SLC44A5: variants seen among roughly 807,000 people sequenced by gnomAD.
SLC44A5 encodes the protein solute carrier family 44 member 5, also known as choline transporter-like protein 5.
A neutral mutation model predicts 101.8 loss-of-function variants in SLC44A5; 57 were observed. The observed-to-expected ratio is 0.56, with a 90% CI of 0.45 to 0.70. The LOEUF is 0.70. Ranked by LOEUF, SLC44A5 falls within the 30% of genes least tolerant of loss-of-function variation. The pLI is 0.00. For synonymous variants in SLC44A5, 281 were observed against 290.9 expected, an observed-to-expected ratio of 0.97 and a Z score of 0.35; for missense variants, 737 against 853.1, an observed-to-expected ratio of 0.86 and a Z score of 1.70.
intron 4 of SLC44A5, among the ~76,000 whole-genome samples, chr1:75,331,348 C>G (rs1474401446): frequency 6.6e-6 from 1 of 152,144 alleles, no homozygotes; most frequent in Non-Finnish European, 1.5e-5. Context: ...CATCATCCTC[C>G]TGGTAGTTCA....
At chr1:75,713,896 G>A in the SLC44A5 span, among the ~76,000 whole-genome samples, 9 of 152,064 alleles carry the variant, frequency 5.9e-5, no homozygotes, top group African/African-American at 1.9e-4. Context: ...TTAACCTCCC[G>A]GGCTCGAGCA....
intron 5 of SLC44A5, among the ~76,000 whole-genome samples, chr1:75,280,768 A>T (rs1256565468): frequency 6.6e-6 from 1 of 151,526 alleles, no homozygotes; most frequent in Non-Finnish European, 1.5e-5. Context: ...TTCACCATGC[A>T]TTTCTCCTTC....
At chr1:75,606,592 G>T (rs778078073) in intron 1 of SLC44A5, among the ~76,000 whole-genome samples, 1 of 151,896 alleles carries the variant, frequency 6.6e-6, no homozygotes, top group Non-Finnish European at 1.5e-5. Flanking sequence ...CTTCAAAACA[G>T]TTAACTGTGC....
chr1:75,288,070 T>C (rs1234090614), intron 5 of SLC44A5, among the ~76,000 whole-genome samples: 1 of 152,158 alleles, frequency 6.6e-6, no homozygotes, highest in Non-Finnish European at 1.5e-5. Context: ...TCTTCAAAGG[T>C]TTTCGGCTGT....
chr1:75,516,341 T>C lies in SLC44A5; in HGVS notation c.13+25094A>G, dbSNP rs889601165. ...CATCCTGGCTAACAAGGTGAAACCC[T>C]GTCTCTACTAAAAATACAAAAAATT... On this transcript the variant is annotated intron_variant, in intron 2 of 23. Transcript: ENST00000370859. Among the ~76,000 whole-genome samples the C allele has an allele frequency of 3.3e-5, 5 of 151,982 alleles. No homozygotes were observed. In the East Asian group the frequency reaches 5.8e-4, roughly 18 times the overall value.
At chr1:75,515,565 G>A (rs754399216) in intron 2 of SLC44A5, among the ~76,000 whole-genome samples, 5 of 152,166 alleles carry the variant, frequency 3.3e-5, no homozygotes, top group Admixed American at 1.3e-4. Flanking sequence ...CACTCAGCAC[G>A]ATGTTCTCCA....
At chr1:75,620,777 G>C in the SLC44A5 span, among the ~76,000 whole-genome samples, 1 of 152,100 alleles carries the variant, frequency 6.6e-6, no homozygotes, top group Non-Finnish European at 1.5e-5. Context: ...CCATTCTGCA[G>C]GTTGCCTTTG....
At position 75,203,727 on chromosome 1, in the gene SLC44A5, C is replaced by A. The variant is rs879545183; in HGVS notation, c.2154G>T (p.Ter718TyrextTer82). The A allele has an allele frequency of 1.2e-5, 18 of 1,547,998 alleles. No homozygotes were observed. In the African/African-American group the frequency reaches 1.4e-4, roughly 12 times the overall value. ...QEENPQTRKQ[*>Y] ...GCTGTAGGACGACCAGTTTGCTCTT[C>A]TACTGCTTCCTAGTTTGTGGATTTT... is the stretch of plus-strand genomic sequence containing the variant. Residue 718 changes from the stop codon to tyrosine, a stop_lost, in exon 24 of 24, where the codon TAG becomes TAT. Transcript: ENST00000370859.
At chr1:75,615,848 C>T (rs1365079926), upstream of SLC44A5, 2 of 987,804 alleles carry the variant, frequency 2.0e-6, no homozygotes, top group East Asian at 1.1e-4. Context: ...GGGAGCGGGA[C>T]TCACCCTTGA....
chr1:75,601,476 C>T lies in SLC44A5; in HGVS notation c.-70+9564G>A, dbSNP rs182001546. ...GCAGTAAACCACTATGGCATGTGTA[C>T]ACCTATGCAACAAACCTGCACATTC... On this transcript the variant is annotated intron_variant, in intron 1 of 23. Transcript: ENST00000370859. Among the ~76,000 whole-genome samples the T allele has an allele frequency of 3.3e-4, 50 of 152,050 alleles. 1 individual carries two copies. The East Asian group carries it at 8.5e-3, about 26-fold the overall frequency.
chr1:75,719,469 GAAA>G, the SLC44A5 span, among the ~76,000 whole-genome samples: 1 of 151,134 alleles, frequency 6.6e-6, no homozygotes, highest in East Asian at 1.9e-4. Flanking sequence ...GAAAACTGGA[GAAA>G]AAAAAATCTT....
intron 2 of SLC44A5, among the ~76,000 whole-genome samples, chr1:75,480,780 C>T (rs1425019834): frequency 2.0e-5 from 3 of 152,168 alleles, no homozygotes; most frequent in African/African-American, 2.4e-5. Context: ...AAGAACATTC[C>T]ATGCTCATTG....
At chr1:75,628,943 T>C in the SLC44A5 span, among the ~76,000 whole-genome samples, 1 of 152,244 alleles carries the variant, frequency 6.6e-6, no homozygotes, top group East Asian at 1.9e-4. Flanking sequence ...CCATCTCAAC[T>C]AGTTGCATGT....
At chr1:75,425,681 T>G (rs1329527017) in intron 2 of SLC44A5, among the ~76,000 whole-genome samples, 1 of 152,228 alleles carries the variant, frequency 6.6e-6, no homozygotes, top group East Asian at 1.9e-4. Flanking sequence ...ATTCCTCCAG[T>G]AATAACAATG....
intron 9 of SLC44A5, among the ~76,000 whole-genome samples, chr1:75,241,707 T>C (rs1269094908): frequency 1.3e-5 from 2 of 152,156 alleles, no homozygotes; most frequent in East Asian, 3.9e-4. Flanking sequence ...GTGTGTGTGT[T>C]TATGCGTGCT....
chr1:75,712,154 G>A, the SLC44A5 span, among the ~76,000 whole-genome samples: 1 of 152,312 alleles, frequency 6.6e-6, no homozygotes, highest in Non-Finnish European at 1.5e-5. Flanking sequence ...TTTCTGGCTG[G>A]AAGAATGTAC....
intron 3 of SLC44A5, among the ~76,000 whole-genome samples, chr1:75,373,975 G>A (rs1482295220): frequency 6.6e-6 from 1 of 152,186 alleles, no homozygotes; most frequent in African/African-American, 2.4e-5. Flanking sequence ...CTGTGCTCAT[G>A]TGGTGGCATG....
intron 2 of SLC44A5, among the ~76,000 whole-genome samples, chr1:75,431,281 G>A (rs1437017687): frequency 6.6e-6 from 1 of 152,164 alleles, no homozygotes; most frequent in Non-Finnish European, 1.5e-5. Context: ...AGTCATTAAA[G>A]ATTCTGATCA....
At chr1:75,678,649 A>G in the SLC44A5 span, among the ~76,000 whole-genome samples, 32 of 149,830 alleles carry the variant, frequency 2.1e-4, no homozygotes, top group East Asian at 6.2e-3. Flanking sequence ...AGATAAAACC[A>G]CAAAGATGGG....
Sources: gnomAD v4.1 joint callset for allele counts (sites outside exome capture counted in the v4.1 genomes callset) on GRCh38, gnomAD v4.1.1 for gene constraint, MANE v1.5 for transcripts, NCBI Gene and HGNC (gene_info 2026-07-23, HGNC 2026-07-21) for gene names.